The following UBFD1 variants were observed in gnomAD, a reference collection of about 807,000 sequenced individuals.
UBFD1 encodes the protein ubiquitin family domain containing 1.
Under a neutral mutation model 35.1 loss-of-function variants are expected in UBFD1, and 12 were observed. That is an observed-to-expected ratio of 0.34 (90% CI 0.22 to 0.55). UBFD1 has a LOEUF of 0.55. UBFD1 is among the 20% of genes least tolerant of loss of function. The probability of loss-of-function intolerance (pLI) is 0.89; values close to 1 mark genes in which losing one functional copy is unlikely to be tolerated. For missense variants in UBFD1, 337 were observed against 410.8 expected, an observed-to-expected ratio of 0.82 and a Z score of 1.55; for synonymous variants, 178 against 167.6, an observed-to-expected ratio of 1.06 and a Z score of -0.48.
chr16:23,568,026 T>C (rs1388193690), intron 6 of UBFD1, among the ~76,000 whole-genome samples: 1 of 152,254 alleles, frequency 6.6e-6, no homozygotes, highest in Non-Finnish European at 1.5e-5. Context: ...CCTGTTGGCA[T>C]CCTGCCTAGT....
chr16:23,570,350 C>T (rs941580056), intron 6 of UBFD1, 130 bp from the exon 7 acceptor site: 5 of 695,746 alleles, frequency 7.2e-6, no homozygotes, highest in African/African-American at 1.8e-5. Flanking sequence ...ATGCTCCCCA[C>T]GTGCAAAGTT....
rs2142205649 is a variant in UBFD1, at chr16:23,557,948, A to G, written c.26-2A>G. The G allele has an allele frequency of 2.2e-6, 3 of 1,345,040 alleles. No individual in the cohort carries two copies. Among genetic ancestry groups the G allele is most frequent in the Non-Finnish European group, 1.9e-6 (2 of 1,049,076 alleles). 83.3% of individuals were successfully genotyped at this position (1,345,040 alleles called of 1,614,324 possible). A position where few individuals can be genotyped will look rare whatever the true frequency, so the allele number is the denominator to read the frequency against. ...AGCGCCCACCCCCTAACCCCCTTGC[A>G]GGCATGGAGGAACCTGGCATGGACA... On this transcript the variant is annotated splice_acceptor_variant, in intron 1 of 6. Transcript: ENST00000395878. LOFTEE classifies it high-confidence loss of function.
chr16:23,564,609 C>T (rs1322763337), intron 5 of UBFD1: 3 of 152,326 alleles, frequency 2.0e-5, no homozygotes, highest in Admixed American at 1.3e-4. Flanking sequence ...GACTTCCTGC[C>T]TCTTGCTGGA....
At chr16:23,565,309 T>C (rs1279729541) in intron 5 of UBFD1, 1 of 152,160 alleles carries the variant, frequency 6.6e-6, no homozygotes, top group Non-Finnish European at 1.5e-5. Context: ...GAGGAGGCAG[T>C]TCTAACAGCC....
In UBFD1 at chr16:23,570,619, T is replaced by C; in HGVS notation, c.*29T>C. The C allele has an allele frequency of 6.3e-7, 1 of 1,575,202 alleles. No individual in the cohort carries two copies. The highest frequency in any genetic ancestry group is 8.7e-7 in the Non-Finnish European group (1 of 1,145,124). On this transcript the variant is annotated 3_prime_UTR_variant, in exon 7 of 7. Transcript: ENST00000395878. ...CACTTTCACCTCTGGCCCAGGAGAC[T>C]GACCCAAAGTGAAGGACATTGCCGG...
In UBFD1 at chr16:23,559,280, T is replaced by C. The variant is rs892447604; in HGVS notation, c.356-188T>C. On this transcript the variant is annotated intron_variant, in intron 2 of 6. Coordinates refer to ENST00000395878, the MANE Select transcript of UBFD1 (RefSeq NM_019116.3). ...TTGAAACAGGTCTGTACAGAAGGAC[T>C]TACTCTAATAAATCTTCTACAGTTC... The C allele has an allele frequency of 8.9e-6, 5 of 560,158 alleles. No homozygotes were observed. The Admixed American group carries it at 1.6e-4, about 18-fold the overall frequency. 34.7% of individuals were successfully genotyped at this position (560,158 alleles called of 1,614,324 possible).
In UBFD1 at chr16:23,559,913, A is replaced by G. The variant is rs1965904768; in HGVS notation, c.564+237A>G. 2.0e-6 allele frequency: 3 copies of G among 1,503,152 alleles called. No individual in the cohort carries two copies. In the East Asian group the frequency reaches 7.4e-5, roughly 37 times the overall value. 93.1% of individuals were successfully genotyped at this position (1,503,152 alleles called of 1,614,324 possible). ...ACCTACTTTAGGATAAGACCTTGGT[A>G]AAGGGAGGCTTCAGACCATGTGTTG... is the stretch of plus-strand genomic sequence containing the variant. On this transcript the variant is annotated intron_variant, in intron 3 of 6. Transcript: ENST00000395878.
Position 23,559,612 on chromosome 16 carries a change from A to G in UBFD1, c.500A>G (p.Lys167Arg). ...INDVLAVNTP[K>R]DAAQQDAKAE... ...GATGTTTTAGCAGTAAACACACCCA[A>G]AGATGCTGCGCAGCAGGATGCAAAG... Residue 167 changes from lysine to arginine, a missense_variant, in exon 3 of 7, where the codon AAA becomes AGA. Coordinates refer to ENST00000395878, the MANE Select transcript of UBFD1 (RefSeq NM_019116.3). 6.2e-7 allele frequency: 1 copy of G among 1,614,230 alleles called. No individual in the cohort carries two copies. The highest frequency in any genetic ancestry group is 8.5e-7 in the Non-Finnish European group (1 of 1,180,046).
Position 23,558,056 on chromosome 16 carries a change from C to G in UBFD1, c.132C>G (p.Ala44=). 1 of 1,352,484 alleles carries G rather than the reference C, an allele frequency of 7.4e-7. No homozygotes were observed. Among genetic ancestry groups the G allele is most frequent in the South Asian group, 2.1e-5 (1 of 46,896 alleles). 83.8% of individuals were successfully genotyped at this position (1,352,484 alleles called of 1,614,324 possible). A position where few individuals can be genotyped will look rare whatever the true frequency, so the allele number is the denominator to read the frequency against. ...CTGAAGCCGCGGCGGGGGCGGCGGC[C>G]GAGGACTCCGGCGCCGCACGAGGCA... ...LEAEAAAGAA[A]EDSGAARGSL... Residue 44 remains alanine (A), a synonymous_variant, in exon 2 of 7, where the codon GCC becomes GCG. Coordinates refer to ENST00000395878, the MANE Select transcript of UBFD1 (RefSeq NM_019116.3).
chr16:23,565,555 G>C (rs908250944), intron 5 of UBFD1: 2 of 152,146 alleles, frequency 1.3e-5, no homozygotes, highest in Non-Finnish European at 2.9e-5. Context: ...CCATCTTAAA[G>C]ACAGCTGCTG....
intron 6 of UBFD1, among the ~76,000 whole-genome samples, chr16:23,568,325 A>T (rs1444094407): frequency 6.6e-6 from 1 of 150,748 alleles, no homozygotes; most frequent in South Asian, 2.1e-4. Flanking sequence ...ACACCCAGCT[A>T]ATTTTTGTAT....
At chr16:23,559,879 C>A in intron 3 of UBFD1, 1 of 1,531,594 alleles carries the variant, frequency 6.5e-7, no homozygotes, top group South Asian at 1.2e-5. Flanking sequence ...GTCAGTGTGT[C>A]TCAAGTCTAC....
chr16:23,564,134 G>C (rs1342902327), intron 5 of UBFD1: 1 of 152,132 alleles, frequency 6.6e-6, no homozygotes, highest in African/African-American at 2.4e-5. Flanking sequence ...GAAGTATAGG[G>C]GGTCCCATCA....
intron 1 of UBFD1, 43 bp downstream of exon 1, chr16:23,557,810 T>C: frequency 1.6e-6 from 2 of 1,269,164 alleles, no homozygotes; most frequent in Non-Finnish European, 2.0e-6. Flanking sequence ...GGGGCTGAGG[T>C]TGCGGTCGCT....
At chr16:23,560,480 T>C (rs762443280) in intron 3 of UBFD1, among the ~76,000 whole-genome samples, 6 of 152,168 alleles carry the variant, frequency 3.9e-5, no homozygotes, top group African/African-American at 1.4e-4. Context: ...TAAACTTCAA[T>C]CAACATCATT....
chr16:23,559,906 C>G, intron 3 of UBFD1: 2 of 1,512,366 alleles, frequency 1.3e-6, no homozygotes, highest in South Asian at 1.2e-5. Flanking sequence ...TAGGATAAGA[C>G]CTTGGTAAAG....
intron 1 of UBFD1, 47 bp downstream of exon 1, chr16:23,557,814 G>C: frequency 2.4e-6 from 3 of 1,276,366 alleles, no homozygotes; most frequent in Non-Finnish European, 2.0e-6. Flanking sequence ...CTGAGGTTGC[G>C]GTCGCTCCTC....
chr16:23,557,931 C>T lies in UBFD1; in HGVS notation c.26-19C>T. The T allele has an allele frequency of 1.5e-6, 2 of 1,316,674 alleles. No individual in the cohort carries two copies. Among genetic ancestry groups the T allele is most frequent in the East Asian group, 5.9e-5 (2 of 33,956 alleles). 81.6% of individuals were successfully genotyped at this position (1,316,674 alleles called of 1,614,324 possible). On this transcript the variant is annotated intron_variant, in intron 1 of 6. Transcript: ENST00000395878. ...AAGCCCAGCCCGCGGCGAGCGCCCACCCCCTAACCCCCTTGCAGGCATGGA... is the reference window on the plus strand; with the variant it reads ...AAGCCCAGCCCGCGGCGAGCGCCCATCCCCTAACCCCCTTGCAGGCATGGA...
In UBFD1 at chr16:23,566,833, A is replaced by G. The variant is rs900588724; in HGVS notation, c.737-154A>G. 7.4e-6 allele frequency: 5 copies of G among 674,690 alleles called. No individual in the cohort carries two copies. The African/African-American group carries it at 8.9e-5, about 12-fold the overall frequency. 41.8% of individuals were successfully genotyped at this position (674,690 alleles called of 1,614,324 possible). ...ACGAAGCCCTATGTGCACTGGTCAG[A>G]AGACCCTGTCGTGTTGTCCCCAGAG... On this transcript the variant is annotated intron_variant, in intron 5 of 6. Transcript: ENST00000395878.
Sources: allele counts gnomAD v4.1 joint callset (sites outside exome capture counted in the v4.1 genomes callset), GRCh38; gene constraint gnomAD v4.1.1; transcripts MANE v1.5; gene names NCBI Gene and HGNC (gene_info 2026-07-23, HGNC 2026-07-21).